LUZP2: variants seen among roughly 807,000 people sequenced by gnomAD.
The protein encoded by LUZP2 is leucine zipper protein 2.
LUZP2 carries 52 observed loss-of-function variants against 51.6 expected under a neutral mutation model. The ratio of observed to expected loss-of-function variants is 1.01; its 90% CI spans 0.81 to 1.27. The LOEUF (loss-of-function observed/expected upper bound fraction) is 1.27, where lower values mean the gene tolerates loss of function less well. Ranked by LOEUF, LUZP2 falls within the 50% of genes most tolerant of loss-of-function variation. LUZP2 has a pLI of 0.00. For missense variants in LUZP2, 436 were observed against 395.4 expected, an observed-to-expected ratio of 1.10 and a Z score of -0.87; for synonymous variants, 154 against 137.3, an observed-to-expected ratio of 1.12 and a Z score of -0.85.
chr11:24,727,674 T>C (rs1258236654), intron 1 of LUZP2, among the ~76,000 whole-genome samples: 2 of 152,002 alleles, frequency 1.3e-5, no homozygotes, highest in African/African-American at 2.4e-5. Flanking sequence ...ACTTTGCCAG[T>C]GAGACTGAAT....
At chr11:24,587,872 G>A (rs1002674600) in intron 1 of LUZP2, among the ~76,000 whole-genome samples, 2 of 151,910 alleles carry the variant, frequency 1.3e-5, no homozygotes, top group African/African-American at 4.8e-5. Context: ...TGTGTCAGAG[G>A]GGGTAGGTTT....
intron 3 of LUZP2, among the ~76,000 whole-genome samples, chr11:24,733,601 G>T (rs1858806331): frequency 6.6e-6 from 1 of 151,710 alleles, no homozygotes; most frequent in Non-Finnish European, 1.5e-5. Flanking sequence ...TTAGAGTGGT[G>T]ATTACCAGGG....
chr11:24,918,242 C>T (rs1296154723), intron 7 of LUZP2, among the ~76,000 whole-genome samples: 4 of 152,020 alleles, frequency 2.6e-5, no homozygotes, highest in East Asian at 1.9e-4. Context: ...TGCGCTGAGA[C>T]GATGGGGTTT....
In LUZP2 at chr11:25,010,996, A is replaced by G. The variant is rs191249797; in HGVS notation, c.765+27703A>G. ...AGATAAGTGAATATCAATTGAGCGT[A>G]TCTTTCCATTAGAGGCTAAAATTAG... is the stretch of plus-strand genomic sequence containing the variant. On this transcript the variant is annotated intron_variant, in intron 9 of 11. Coordinates refer to ENST00000336930, the MANE Select transcript of LUZP2 (RefSeq NM_001009909.4). Among the ~76,000 whole-genome samples, 33 of 152,304 alleles carry G rather than the reference A, an allele frequency of 2.2e-4. 1 individual carries two copies. The highest frequency in any genetic ancestry group is 2.1e-3 in the Admixed American group (32 of 15,280).
At chr11:24,619,319 T>C (rs1311591929) in intron 1 of LUZP2, among the ~76,000 whole-genome samples, 1 of 152,120 alleles carries the variant, frequency 6.6e-6, no homozygotes, top group Non-Finnish European at 1.5e-5. Flanking sequence ...TGGGTGTATG[T>C]CACCCTGCCA....
At chr11:24,666,767 G>A (rs1429321940) in intron 1 of LUZP2, among the ~76,000 whole-genome samples, 2 of 152,174 alleles carry the variant, frequency 1.3e-5, no homozygotes, top group Non-Finnish European at 2.9e-5. Flanking sequence ...TCGATGTTTG[G>A]AAGTTAAGAT....
rs576921877 is a variant in LUZP2, at chr11:24,771,551, A to G, written c.396+8243A>G. Among the ~76,000 whole-genome samples the G allele has an allele frequency of 4.0e-5, 6 of 151,548 alleles. No individual in the cohort carries two copies. In the South Asian group the frequency reaches 1.3e-3, roughly 32 times the overall value. ...CCAGGACTTTGCATATATTGAGAAT[A>G]TATTAAGACCATATTCAAGTCTGTT... is the stretch of plus-strand genomic sequence containing the variant. On this transcript the variant is annotated intron_variant, in intron 5 of 11. Coordinates refer to ENST00000336930, the MANE Select transcript of LUZP2 (RefSeq NM_001009909.4).
chr11:24,571,206 A>C (rs1852430578), intron 1 of LUZP2, among the ~76,000 whole-genome samples: 1 of 152,072 alleles, frequency 6.6e-6, no homozygotes, highest in Non-Finnish European at 1.5e-5. Flanking sequence ...AGATGAAAGC[A>C]CTTGATCAAA....
intron 1 of LUZP2, among the ~76,000 whole-genome samples, chr11:24,713,432 T>G (rs1857914532): frequency 6.6e-6 from 1 of 152,132 alleles, no homozygotes; most frequent in Admixed American, 6.5e-5. Context: ...GGAGAACAAT[T>G]TAAATCTTTC....
chr11:24,499,372 A>G lies in LUZP2; in HGVS notation c.62+2067A>G, dbSNP rs186629933. Among the ~76,000 whole-genome samples the G allele has an allele frequency of 5.2e-3, 799 of 152,322 alleles. 3 individuals carry two copies. Among genetic ancestry groups the G allele is most frequent in the Non-Finnish European group, 9.5e-3 (644 of 68,028 alleles). On this transcript the variant is annotated intron_variant, in intron 1 of 11. Transcript: ENST00000336930. ...TTTGCAAAGAAGAGAATATGTTTTA[A>G]AGATCTCTAACAGAAGGCCATTCTG...
intron 1 of LUZP2, among the ~76,000 whole-genome samples, chr11:24,684,299 A>C (rs1340496735): frequency 6.6e-6 from 1 of 152,170 alleles, no homozygotes; most frequent in African/African-American, 2.4e-5. Flanking sequence ...TTTTTAACCT[A>C]GGCCTCTAGA....
At chr11:24,657,014 A>G (rs987365582) in intron 1 of LUZP2, among the ~76,000 whole-genome samples, 11 of 152,230 alleles carry the variant, frequency 7.2e-5, no homozygotes, top group Non-Finnish European at 1.5e-4. Flanking sequence ...GCTGGAGGGC[A>G]GGATGGAGAT....
chr11:24,635,687 C>T (rs1855074469), intron 1 of LUZP2, among the ~76,000 whole-genome samples: 1 of 152,138 alleles, frequency 6.6e-6, no homozygotes, highest in Non-Finnish European at 1.5e-5. Context: ...TTTAAAACCT[C>T]ATCTGTAATG....
chr11:24,600,226 G>A (rs1017950288), intron 1 of LUZP2, among the ~76,000 whole-genome samples: 5 of 147,638 alleles, frequency 3.4e-5, no homozygotes, highest in African/African-American at 1.3e-4. Flanking sequence ...CACGCACAAT[G>A]GGGTAACATC....
chr11:24,804,801 G>A (rs1214830357), intron 5 of LUZP2, among the ~76,000 whole-genome samples: 2 of 151,988 alleles, frequency 1.3e-5, no homozygotes, highest in Admixed American at 6.6e-5. Flanking sequence ...ACATATTTTG[G>A]TGTAGCATGT....
intron 7 of LUZP2, among the ~76,000 whole-genome samples, chr11:24,946,475 C>A (rs1265367112): frequency 2.0e-5 from 3 of 151,596 alleles, no homozygotes; most frequent in Admixed American, 6.6e-5. Flanking sequence ...ATTTTTAATT[C>A]CTTTTAATTA....
chr11:24,905,729 A>G (rs1250825724), intron 5 of LUZP2, among the ~76,000 whole-genome samples: 2 of 152,134 alleles, frequency 1.3e-5, no homozygotes, highest in African/African-American at 4.8e-5. Context: ...AATCATATCA[A>G]TTATCTTTTC....
chr11:24,751,517 C>T (rs996996643), intron 4 of LUZP2: 4 of 885,998 alleles, frequency 4.5e-6, no homozygotes, highest in Non-Finnish European at 5.4e-6. Context: ...AGTACAAAAG[C>T]CCTGCTAGAA....
rs556504547 is a variant in LUZP2 at position 25,067,194 on chromosome 11, G to A, written c.859-10135G>A. ...TTTTAAAAAGGAACTTTAGAGAAGTGTTTGTTCATATCCTTTGGCCACTTT... is the reference window on the plus strand; with the variant it reads ...TTTTAAAAAGGAACTTTAGAGAAGTATTTGTTCATATCCTTTGGCCACTTT... On this transcript the variant is annotated intron_variant, in intron 10 of 11. Coordinates refer to ENST00000336930, the MANE Select transcript of LUZP2 (RefSeq NM_001009909.4). Among the ~76,000 whole-genome samples the A allele has an allele frequency of 2.8e-4, 43 of 152,046 alleles. 1 individual carries two copies. The South Asian group carries it at 8.9e-3, about 32-fold the overall frequency.
Sources: gnomAD v4.1 joint callset for allele counts (sites outside exome capture counted in the v4.1 genomes callset) on GRCh38, gnomAD v4.1.1 for gene constraint, MANE v1.5 for transcripts, NCBI Gene and HGNC (gene_info 2026-07-23, HGNC 2026-07-21) for gene names.